The following LCE1B variants were observed in gnomAD, a reference collection of about 807,000 sequenced individuals.
LCE1B encodes the protein late cornified envelope protein 1B.
For synonymous variants in LCE1B, 56 were observed against 55.9 expected, an observed-to-expected ratio of 1.00 and a Z score of -0.01; for missense variants, 151 against 147.2, an observed-to-expected ratio of 1.03 and a Z score of -0.14.
In LCE1B at chr1:152,812,533, C is replaced by A. The variant is rs761253878; in HGVS notation, c.87C>A (p.Cys29Ter). 1.2e-6 allele frequency: 2 copies of A among 1,613,888 alleles called. No individual in the cohort carries two copies. The highest frequency in any genetic ancestry group is 2.7e-5 in the African/African-American group (2 of 74,876). The stretch of plus-strand genomic sequence containing the variant: ...CTCCCAAGTGCCTCACCCCTAGATG[C>A]CCCCCAAAGTGTCCCCCTAAGTGTC... ...KCPPKCLTPRCPPKCPPKCPP... is the reference protein window; with the variant it reads ...KCPPKCLTPR The change falls in exon 1 of 1, where the codon TGC (cysteine) becomes TGA (stop). Residue 29 changes from cysteine to a stop codon, truncating the protein, a stop_gained. Transcript: ENST00000360090. LOFTEE classifies it high-confidence loss of function.
Position 152,812,951 on chromosome 1 carries a change from C to T in LCE1B, c.*148C>T. On this transcript the variant is annotated 3_prime_UTR_variant, in exon 1 of 1. Coordinates refer to ENST00000360090, the MANE Select transcript of LCE1B (RefSeq NM_178349.2). ...TTCTTCTGTCTTGGAGTTCAGAGGC[C>T]CAAAACTTCTCCCCCAAAGCCAAGC... 4.0e-6 allele frequency: 4 copies of T among 989,774 alleles called. No homozygotes were observed. Among genetic ancestry groups the T allele is most frequent in the Non-Finnish European group, 5.9e-6 (4 of 679,864 alleles). 61.3% of individuals were successfully genotyped at this position (989,774 alleles called of 1,614,324 possible). A position where few individuals can be genotyped will look rare whatever the true frequency, so the allele number is the denominator to read the frequency against.
In LCE1B at chr1:152,812,767, A is replaced by C. The variant is rs749612236; in HGVS notation, c.321A>C (p.Gly107=). The C allele has an allele frequency of 3.1e-6, 5 of 1,612,442 alleles. No individual in the cohort carries two copies. The South Asian group carries it at 5.5e-5, about 18-fold the overall frequency. ...CCTCCGGGGGCTCCAGCTGCTGTGGAGGAGGGAGTGGCCAGCACTCTGGAG... is the reference window on the plus strand; with the variant it reads ...CCTCCGGGGGCTCCAGCTGCTGTGGCGGAGGGAGTGGCCAGCACTCTGGAG... ...SQPSGGSSCC[G]GGSGQHSGGC... The change falls in exon 1 of 1, where the codon GGA becomes GGC. Residue 107 remains glycine, a synonymous_variant. Transcript: ENST00000360090.
chr1:152,812,736 G>A lies in LCE1B; in HGVS notation c.290G>A (p.Ser97Asn). 1.2e-6 allele frequency: 2 copies of A among 1,614,018 alleles called. No individual in the cohort carries two copies. The highest frequency in any genetic ancestry group is 1.7e-6 in the Non-Finnish European group (2 of 1,179,958). Residue 97 changes from serine to asparagine, a missense_variant, in exon 1 of 1, where the codon AGC becomes AAC. Transcript: ENST00000360090. The part of the protein sequence containing the change: ...CHRPQSSGCC[S>N]QPSGGSSCCG... ...AGACCCCAGAGCTCTGGCTGCTGCA[G>A]CCAGCCCTCCGGGGGCTCCAGCTGC...
chr1:152,812,597 TGCTGTGGCTCCAGCTCTGGGGGAA>T lies in LCE1B; in HGVS notation c.174_197del (p.Ser59_Gly66del), dbSNP rs753410913. ...CTGCTGCAGTGTCAGCTCCGGAGGC[TGCTGTGGCTCCAGCTCTGGGGGAA>T]GCTGTGGCTCCAGCTCTGGGGGTTG... On this transcript the variant is annotated inframe_deletion, in exon 1 of 1. Transcript: ENST00000360090. 656 of 1,614,050 alleles carry T rather than the reference TGCTGTGGCTCCAGCTCTGGGGGAA, an allele frequency of 4.1e-4. 4 individuals carry two copies. The African/African-American group carries it at 6.5e-3, about 16-fold the overall frequency.
In LCE1B at chr1:152,812,461, G is replaced by T. The variant is rs754061206; in HGVS notation, c.15G>T (p.Gln5His). The change falls in exon 1 of 1, where the codon CAG (glutamine) becomes CAT (histidine). Residue 5 changes from glutamine to histidine, a missense_variant. Transcript: ENST00000360090. Reference protein sequence around the residue: MSCQQNQQQCQPPPK... With the variant: MSCQHNQQQCQPPPK... ...CCCGCACCAAGATGTCCTGCCAGCA[G>T]AACCAGCAGCAGTGCCAGCCCCCTC... 2.5e-6 allele frequency: 4 copies of T among 1,613,996 alleles called. No individual in the cohort carries two copies. The highest frequency in any genetic ancestry group is 3.4e-6 in the Non-Finnish European group (4 of 1,180,022).
rs1652542950 is a variant in LCE1B at position 152,813,106 on chromosome 1, T to C, written c.*303T>C. ...GAAACAATAAAACCAGAAATATGCA[T>C]TCCTTTTTGCCTTGACTGATTGTTA... On this transcript the variant is annotated 3_prime_UTR_variant, in exon 1 of 1. Coordinates refer to ENST00000360090, the MANE Select transcript of LCE1B (RefSeq NM_178349.2). The C allele has an allele frequency of 7.7e-6, 3 of 391,490 alleles. No homozygotes were observed. The highest frequency in any genetic ancestry group is 4.4e-5 in the East Asian group (1 of 22,962). 24.3% of individuals were successfully genotyped at this position (391,490 alleles called of 1,614,324 possible).
chr1:152,812,613 C>T lies in LCE1B; in HGVS notation c.167C>T (p.Ser56Phe). The T allele has an allele frequency of 6.2e-7, 1 of 1,612,764 alleles. No individual in the cohort carries two copies. Among genetic ancestry groups the T allele is most frequent in the Non-Finnish European group, 8.5e-7 (1 of 1,179,808 alleles). The change falls in exon 1 of 1, where the codon TCT (serine) becomes TTT (phenylalanine). Residue 56 changes from serine (S) to phenylalanine (F), a missense_variant. By Grantham distance (155) the Ser-to-Phe change is radical. Coordinates refer to ENST00000360090, the MANE Select transcript of LCE1B (RefSeq NM_178349.2). ...TCCGGAGGCTGCTGTGGCTCCAGCT[C>T]TGGGGGAAGCTGTGGCTCCAGCTCT... ...VSSGGCCGSS[S>F]GGSCGSSSGG...
Sources: gnomAD v4.1 joint callset for allele counts on GRCh38, gnomAD v4.1.1 for gene constraint, MANE v1.5 for transcripts, NCBI Gene and HGNC (gene_info 2026-07-23, HGNC 2026-07-21) for gene names.